Variants in PHF2 observed in about 807,000 individuals in gnomAD.
The protein encoded by PHF2 is lysine-specific demethylase PHF2.
In PHF2, 27 loss-of-function variants were observed where a neutral mutation model predicts 120.5. The ratio of observed to expected loss-of-function variants is 0.22; its 90% confidence interval spans 0.17 to 0.31. PHF2 has a LOEUF of 0.31. Among genes scored for constraint, PHF2 ranks in the 10% least tolerant of loss-of-function variants. The probability of loss-of-function intolerance (pLI) is 1.00; values close to 1 mark genes in which losing one functional copy is unlikely to be tolerated. For synonymous variants in PHF2, 568 were observed against 592.5 expected, an observed-to-expected ratio of 0.96 and a Z score of 0.60; for missense variants, 1,024 against 1,434.8, an observed-to-expected ratio of 0.71 and a Z score of 4.63.
At chr9:93,645,888 A>T (rs2398854) in intron 4 of PHF2, 99 bp downstream of exon 4, 1 of 1,358,674 alleles carries the variant, frequency 7.4e-7, no homozygotes, top group African/African-American at 1.5e-5. Context: ...GGCTGTGTCC[A>T]TGTGTGCCGT....
intron 1 of PHF2, among the ~76,000 whole-genome samples, chr9:93,622,896 G>T (rs1450149134): frequency 6.6e-6 from 1 of 152,172 alleles, no homozygotes; most frequent in Non-Finnish European, 1.5e-5. Flanking sequence ...CTGACCTTCT[G>T]CCTGAGGGTC....
In PHF2 at chr9:93,673,742, G is replaced by T. The variant is rs769947880; in HGVS notation, c.2506G>T (p.Gly836Cys). The change falls in exon 18 of 22, where the codon GGC becomes TGC. Residue 836 changes from glycine (G) to cysteine (C), a missense_variant. Gly to Cys is a radical substitution (Grantham distance 159). Around this residue, in one of 2 missense-constraint regions of PHF2, gnomAD observed 677 missense variants for 857.4 expected, o/e 0.79. Coordinates refer to ENST00000359246, the MANE Select transcript of PHF2 (RefSeq NM_005392.4). ...AAHGARKNGG[G>C]SGKSAGKRLL... Reference sequence around the variant, plus strand: ...CCATGGTGCCCGGAAGAATGGGGGTGGCAGTGGCAAGAGTGCAGGCAAACG... The same window carrying T: ...CCATGGTGCCCGGAAGAATGGGGGTTGCAGTGGCAAGAGTGCAGGCAAACG... The T allele has an allele frequency of 1.5e-5, 24 of 1,613,306 alleles. No individual in the cohort carries two copies. Among genetic ancestry groups the T allele is most frequent in the Non-Finnish European group, 1.7e-5 (20 of 1,179,806 alleles).
At chr9:93,653,508 C>T in intron 6 of PHF2, 143 bp downstream of exon 6, 1 of 771,714 alleles carries the variant, frequency 1.3e-6, no homozygotes. Flanking sequence ...GGACAGGAGG[C>T]CTCTGGAGAC....
At chr9:93,614,836 GTGATGGTGA>G (rs1266008315) in intron 1 of PHF2, among the ~76,000 whole-genome samples, 1 of 73,472 alleles carries the variant, frequency 1.4e-5, no homozygotes, top group Admixed American at 1.4e-4. Flanking sequence ...GACGATGGTG[GTGATGGTGA>G]TAGTAATGAT....
intron 3 of PHF2, among the ~76,000 whole-genome samples, chr9:93,643,249 A>G (rs181876784): frequency 6.6e-6 from 1 of 152,262 alleles, no homozygotes; most frequent in African/African-American, 2.4e-5. Flanking sequence ...GATTAGTTCC[A>G]GATCCAGTTT....
At chr9:93,627,508 T>TTTTTTTTTTTTTTTTTTTTTG (rs1825933862) in intron 1 of PHF2, among the ~76,000 whole-genome samples, 9 of 136,144 alleles carry the variant, frequency 6.6e-5, no homozygotes, top group African/African-American at 2.3e-4. Flanking sequence ...TTTTTTTTTT[T>TTTTTTTTTTTTTTTTTTTTTG]GTCTAATTGC....
At chr9:93,591,658 C>G (rs1001033523) in intron 1 of PHF2, among the ~76,000 whole-genome samples, 1 of 152,194 alleles carries the variant, frequency 6.6e-6, no homozygotes, top group African/African-American at 2.4e-5. Context: ...TAGGAAGACT[C>G]CAGACCCTGG....
chr9:93,597,656 GC>G (rs1332593806), intron 1 of PHF2, among the ~76,000 whole-genome samples: 1 of 152,134 alleles, frequency 6.6e-6, no homozygotes, highest in African/African-American at 2.4e-5. Context: ...CCAGGGAGGA[GC>G]CTGGTGTAGT....
Position 93,649,220 on chromosome 9 carries a change from C to CT in PHF2, c.602+9dup, listed in dbSNP as rs1564394081. On this transcript the variant is annotated intron_variant, in intron 5 of 21. Transcript: ENST00000359246. ...CGAGTTCTCTGACACCCGGTGAGTG[C>CT]TACCACCCTGGGGGTGTGGGGGCTG... 6.7e-7 allele frequency: 1 copy of CT among 1,485,272 alleles called. No homozygotes were observed. Among genetic ancestry groups the CT allele is most frequent in the Admixed American group, 2.0e-5 (1 of 49,576 alleles). 92.0% of individuals were successfully genotyped at this position (1,485,272 alleles called of 1,614,324 possible). A position where few individuals can be genotyped will look rare whatever the true frequency, so the allele number is the denominator to read the frequency against.
chr9:93,657,479 G>C (rs1311884939), intron 9 of PHF2, among the ~76,000 whole-genome samples: 3 of 152,212 alleles, frequency 2.0e-5, no homozygotes, highest in African/African-American at 7.2e-5. Context: ...GATCAGGGCA[G>C]CACCTGGGAA....
intron 19 of PHF2, 25 bp downstream of exon 19, chr9:93,675,047 G>A: frequency 5.7e-6 from 9 of 1,570,892 alleles, no homozygotes; most frequent in Non-Finnish European, 7.9e-6. Flanking sequence ...GGGGTAGGGG[G>A]TCCACCTGAC....
chr9:93,643,863 C>T (rs147104468), intron 3 of PHF2, among the ~76,000 whole-genome samples: 1 of 152,160 alleles, frequency 6.6e-6, no homozygotes, highest in East Asian at 1.9e-4. Context: ...CCACCACTCA[C>T]AACAGTCTCC....
chr9:93,615,238 ATGG>A (rs1336292228), intron 1 of PHF2, among the ~76,000 whole-genome samples: 1 of 148,810 alleles, frequency 6.7e-6, no homozygotes, highest in Non-Finnish European at 1.5e-5. Context: ...GGTGATGGTG[ATGG>A]TGTTGATGGT....
chr9:93,607,831 A>G (rs548559858), intron 1 of PHF2, among the ~76,000 whole-genome samples: 47 of 152,214 alleles, frequency 3.1e-4, no homozygotes, highest in Non-Finnish European at 5.7e-4. Context: ...TTGTATATCA[A>G]TCTTGTATTC....
intron 18 of PHF2, among the ~76,000 whole-genome samples, chr9:93,674,092 GACAA>G (rs1346473404): frequency 6.6e-6 from 1 of 152,156 alleles, no homozygotes; most frequent in East Asian, 1.9e-4. Context: ...ACTCTAGTTT[GACAA>G]ACAGAATGAC....
At chr9:93,650,014 C>T (rs1315438750) in intron 5 of PHF2, among the ~76,000 whole-genome samples, 1 of 151,732 alleles carries the variant, frequency 6.6e-6, no homozygotes, top group Admixed American at 6.6e-5. Flanking sequence ...CTCACACTCA[C>T]GGACACACTC....
At chr9:93,627,491 G>GTTTTTTTTTTTTTTTTTTT (rs1186546705) in intron 1 of PHF2, among the ~76,000 whole-genome samples, 9 of 41,056 alleles carry the variant, frequency 2.2e-4, no homozygotes, top group South Asian at 1.4e-3. Context: ...TTTATTTCAG[G>GTTTTTTTTTTTTTTTTTTT]ATTTTTTTTT....
At chr9:93,595,636 C>T (rs1475942313) in intron 1 of PHF2, among the ~76,000 whole-genome samples, 3 of 152,210 alleles carry the variant, frequency 2.0e-5, no homozygotes, top group Non-Finnish European at 2.9e-5. Flanking sequence ...ATACACAGAC[C>T]GAGATTTGCA....
intron 2 of PHF2, 123 bp from the exon 3 acceptor site, chr9:93,636,288 G>C: frequency 1.4e-6 from 1 of 704,936 alleles, no homozygotes; most frequent in African/African-American, 1.8e-5. Flanking sequence ...TGAGAGGTGA[G>C]CATGAGCCCA....
Sources: allele counts gnomAD v4.1 joint callset (sites outside exome capture counted in the v4.1 genomes callset), GRCh38; gene constraint gnomAD v4.1.1; regional missense constraint gnomAD v4.1.1; transcripts MANE v1.5; gene names NCBI Gene and HGNC (gene_info 2026-07-23, HGNC 2026-07-21).